The following SLC44A5 variants were observed in gnomAD, a reference collection of about 807,000 sequenced individuals.
The protein encoded by SLC44A5 is choline transporter-like protein 5.
A neutral mutation model predicts 101.8 loss-of-function variants in SLC44A5; 57 were observed. The observed-to-expected ratio is 0.56, with a 90% CI of 0.45 to 0.70. The LOEUF (loss-of-function observed/expected upper bound fraction) is 0.70. SLC44A5 is among the 30% of genes least tolerant of loss of function. The pLI, the probability that SLC44A5 is intolerant of heterozygous loss-of-function variation, is 0.00. For missense variants in SLC44A5, 737 were observed against 853.1 expected, an observed-to-expected ratio of 0.86 and a Z score of 1.70; for synonymous variants, 281 against 290.9, an observed-to-expected ratio of 0.97 and a Z score of 0.35.
chr1:75,338,283 G>A (rs973637770), intron 4 of SLC44A5, among the ~76,000 whole-genome samples: 9 of 151,854 alleles, frequency 5.9e-5, no homozygotes, highest in South Asian at 2.1e-4. Flanking sequence ...ACACGGTTCC[G>A]TCATTAAATT....
At chr1:75,702,433 T>C in the SLC44A5 span, among the ~76,000 whole-genome samples, 26 of 152,160 alleles carry the variant, frequency 1.7e-4, no homozygotes, top group African/African-American at 6.0e-4. Flanking sequence ...TAATAAATGG[T>C]GCTGGGAAAA....
chr1:75,680,582 T>C, the SLC44A5 span, among the ~76,000 whole-genome samples: 1 of 151,210 alleles, frequency 6.6e-6, no homozygotes, highest in Non-Finnish European at 1.5e-5. Flanking sequence ...AGACACAACA[T>C]ACCAGAATCT....
chr1:75,693,475 A>G, the SLC44A5 span, among the ~76,000 whole-genome samples: 2 of 152,176 alleles, frequency 1.3e-5, no homozygotes, highest in Non-Finnish European at 2.9e-5. Context: ...TATTGTCTCT[A>G]TCCCCTACCC....
intron 3 of SLC44A5, among the ~76,000 whole-genome samples, chr1:75,389,355 A>T (rs143458866): frequency 7.2e-5 from 11 of 152,332 alleles, no homozygotes; most frequent in Admixed American, 3.9e-4. Flanking sequence ...ACTACCCAAC[A>T]ACCACAGAAT....
chr1:75,311,995 A>G (rs1655339568), intron 4 of SLC44A5, among the ~76,000 whole-genome samples: 1 of 152,106 alleles, frequency 6.6e-6, no homozygotes, highest in Non-Finnish European at 1.5e-5. Flanking sequence ...TTCATCTTGA[A>G]TTGTAGTTCC....
intron 21 of SLC44A5, 28 bp downstream of exon 21, chr1:75,213,891 T>C: frequency 6.5e-7 from 1 of 1,546,978 alleles, no homozygotes; most frequent in Non-Finnish European, 8.8e-7. Context: ...AAACTTTTTT[T>C]TTTATTATTT....
chr1:75,674,313 C>CA, the SLC44A5 span, among the ~76,000 whole-genome samples: 16 of 146,790 alleles, frequency 1.1e-4, no homozygotes, highest in African/African-American at 2.0e-4. Context: ...ATTGATCAAG[C>CA]AAAAAAAAAG....
At chr1:75,670,780 A>G in the SLC44A5 span, among the ~76,000 whole-genome samples, 16 of 152,222 alleles carry the variant, frequency 1.1e-4, no homozygotes, top group African/African-American at 3.9e-4. Flanking sequence ...GGTTCTTGTG[A>G]CTATACTTTG....
intron 2 of SLC44A5, among the ~76,000 whole-genome samples, chr1:75,479,580 T>C (rs1290754041): frequency 1.3e-5 from 2 of 152,120 alleles, no homozygotes; most frequent in African/African-American, 4.8e-5. Flanking sequence ...TCACCACTGA[T>C]CCCACAGAAA....
chr1:75,261,072 G>A (rs1355716915), intron 6 of SLC44A5, among the ~76,000 whole-genome samples: 4 of 152,036 alleles, frequency 2.6e-5, no homozygotes, highest in African/African-American at 4.8e-5. Context: ...AGATAAAGCA[G>A]GAAAGATCTA....
chr1:75,581,070 C>G (rs1179529919), intron 1 of SLC44A5, among the ~76,000 whole-genome samples: 1 of 152,114 alleles, frequency 6.6e-6, no homozygotes, highest in African/African-American at 2.4e-5. Context: ...TTTTTAAAAA[C>G]AAATTATGTT....
At chr1:75,681,232 A>G in the SLC44A5 span, among the ~76,000 whole-genome samples, 1 of 152,244 alleles carries the variant, frequency 6.6e-6, no homozygotes, top group Non-Finnish European at 1.5e-5. Flanking sequence ...ATAGAAAAAG[A>G]GGTAATCCTC....
chr1:75,259,027 C>T (rs1650260783), intron 6 of SLC44A5, among the ~76,000 whole-genome samples: 1 of 152,120 alleles, frequency 6.6e-6, no homozygotes, highest in African/African-American at 2.4e-5. Context: ...CCAAAGGTCA[C>T]TGACTTTAAA....
At chr1:75,204,426 C>T (rs1047754617) in intron 23 of SLC44A5, 1 of 152,044 alleles carries the variant, frequency 6.6e-6, no homozygotes, top group Admixed American at 6.6e-5. Flanking sequence ...TAGATGTTAG[C>T]TCATAATATA....
intron 1 of SLC44A5, among the ~76,000 whole-genome samples, chr1:75,578,443 T>G (rs1159420680): frequency 6.6e-6 from 1 of 152,176 alleles, no homozygotes; most frequent in Non-Finnish European, 1.5e-5. Context: ...GATAGATAGA[T>G]AGACATAAAA....
chr1:75,326,671 A>G (rs1302398678), intron 4 of SLC44A5, among the ~76,000 whole-genome samples: 1 of 152,198 alleles, frequency 6.6e-6, no homozygotes, highest in Admixed American at 6.5e-5. Context: ...ATTATGTACA[A>G]ACATTTTGGG....
At chr1:75,362,723 T>C (rs975608205) in intron 3 of SLC44A5, among the ~76,000 whole-genome samples, 15 of 152,066 alleles carry the variant, frequency 9.9e-5, no homozygotes, top group African/African-American at 3.6e-4. Context: ...ATATGACCTA[T>C]CTTGGAGAAT....
chr1:75,543,456 C>T (rs1475689171), intron 1 of SLC44A5, among the ~76,000 whole-genome samples: 1 of 151,872 alleles, frequency 6.6e-6, no homozygotes, highest in East Asian at 1.9e-4. Flanking sequence ...TCCATGTTTA[C>T]TTTCACCGCT....
chr1:75,243,601 G>A (rs1055546508), intron 7 of SLC44A5, among the ~76,000 whole-genome samples: 18 of 152,034 alleles, frequency 1.2e-4, no homozygotes, highest in African/African-American at 4.3e-4. Context: ...TCAACATGTA[G>A]TTGTGAGGAA....
Sources: gnomAD v4.1 joint callset for allele counts (sites outside exome capture counted in the v4.1 genomes callset) on GRCh38, gnomAD v4.1.1 for gene constraint, MANE v1.5 for transcripts, NCBI Gene and HGNC (gene_info 2026-07-23, HGNC 2026-07-21) for gene names.